ITSN1: variants seen among roughly 807,000 people sequenced by gnomAD.
ITSN1 encodes the protein intersectin-1.
Under a neutral mutation model 239.8 loss-of-function variants are expected in ITSN1, and 58 were observed. The observed-to-expected ratio is 0.24, with a 90% CI of 0.20 to 0.30. The LOEUF (loss-of-function observed/expected upper bound fraction) is 0.30. Ranked by LOEUF, ITSN1 falls within the 10% of genes least tolerant of loss-of-function variation. The pLI, the probability that ITSN1 is intolerant of heterozygous loss-of-function variation, is 1.00. For synonymous variants in ITSN1, 780 were observed against 770.8 expected (o/e 1.01, Z -0.20); for missense variants, 1,558 against 2,103.3 (o/e 0.74, Z 5.07).
At chr21:33,705,153 T>A (rs2092200027) in intron 1 of ITSN1, among the ~76,000 whole-genome samples, 1 of 148,930 alleles carries the variant, frequency 6.7e-6, no homozygotes, top group East Asian at 2.0e-4. Flanking sequence ...AATGAGGAGA[T>A]AAAAATCACT....
intron 16 of ITSN1, among the ~76,000 whole-genome samples, chr21:33,792,229 G>A (rs917055642): frequency 2.6e-5 from 4 of 151,764 alleles, no homozygotes; most frequent in East Asian, 1.9e-4. Flanking sequence ...TTTTGAGACC[G>A]ATTCTTGCCT....
intron 14 of ITSN1, among the ~76,000 whole-genome samples, chr21:33,776,943 T>C (rs2069680598): frequency 6.6e-6 from 1 of 152,146 alleles, no homozygotes; most frequent in Non-Finnish European, 1.5e-5. Context: ...TTTTTTTCTT[T>C]TGGTGTTCAT....
intron 1 of ITSN1, among the ~76,000 whole-genome samples, chr21:33,656,791 A>G (rs992416243): frequency 1.3e-5 from 2 of 152,108 alleles, no homozygotes; most frequent in Admixed American, 6.5e-5. Flanking sequence ...GCTCACTGCA[A>G]CCTCCGCCTA....
At chr21:33,794,261 A>G (rs2071366356) in intron 16 of ITSN1, 80 bp from the exon 17 acceptor site, 3 of 1,088,726 alleles carry the variant, frequency 2.8e-6, no homozygotes, top group Admixed American at 4.0e-5. Context: ...GCTTCCCACT[A>G]TGAAATGTTG....
intron 4 of ITSN1, among the ~76,000 whole-genome samples, chr21:33,731,140 C>G (rs965835912): frequency 6.6e-6 from 1 of 152,194 alleles, no homozygotes; most frequent in Non-Finnish European, 1.5e-5. Context: ...AAAGTCAAGT[C>G]CCTAGAACCT....
rs1410468489 is a variant in ITSN1 at position 33,797,131 on chromosome 21, TAAG to T, written c.1953-244_1953-242del. On this transcript the variant is annotated intron_variant, in intron 17 of 39. Transcript: ENST00000381318. This position sits in a 1 kb window ranked among gnomAD's most constrained non-coding sequence, Gnocchi z 4.9. ...GTCAGTTTAATACCAGCTTTATTAT[TAAG>T]AAGTATTTTTCTTATTCTTGTAACC... is the stretch of plus-strand genomic sequence containing the variant. Among the ~76,000 whole-genome samples, 2 of 152,220 alleles carry T rather than the reference TAAG, an allele frequency of 1.3e-5. No individual in the cohort carries two copies. The highest frequency in any genetic ancestry group is 2.1e-4 in the South Asian group (1 of 4,838).
At chr21:33,741,397 A>G (rs2066838526) in intron 5 of ITSN1, among the ~76,000 whole-genome samples, 1 of 152,200 alleles carries the variant, frequency 6.6e-6, no homozygotes, top group South Asian at 2.1e-4. Context: ...GACAAGGTAA[A>G]CCTGATACAT....
At chr21:33,841,867 A>G (rs1402114291) in intron 29 of ITSN1, among the ~76,000 whole-genome samples, 1 of 151,706 alleles carries the variant, frequency 6.6e-6, no homozygotes, top group Non-Finnish European at 1.5e-5. Context: ...GGATAGGGAG[A>G]CGTAGTGAAG....
At chr21:33,782,204 C>A in intron 16 of ITSN1, 71 bp downstream of exon 16, 2 of 1,426,876 alleles carry the variant, frequency 1.4e-6, no homozygotes, top group Non-Finnish European at 1.9e-6. Flanking sequence ...TGATTAGTTG[C>A]TATTTAATCA....
At chr21:33,804,512 G>A (rs1048178607) in intron 20 of ITSN1, among the ~76,000 whole-genome samples, 1 of 152,204 alleles carries the variant, frequency 6.6e-6, no homozygotes, top group Non-Finnish European at 1.5e-5. Context: ...AAAGAGGAGA[G>A]GAATCAGTGT....
At chr21:33,830,813 T>TA (rs1357272699) in intron 27 of ITSN1, among the ~76,000 whole-genome samples, 1 of 147,822 alleles carries the variant, frequency 6.8e-6, no homozygotes, top group Non-Finnish European at 1.5e-5. Context: ...TTTTAGGAGA[T>TA]ACGTGTTGAA....
chr21:33,655,880 G>A (rs550402885), intron 1 of ITSN1, among the ~76,000 whole-genome samples: 1 of 152,080 alleles, frequency 6.6e-6, no homozygotes, highest in Non-Finnish European at 1.5e-5. Context: ...AAAAAACTCA[G>A]TGATAAGTTT....
chr21:33,788,932 A>G (rs73199881), intron 16 of ITSN1, among the ~76,000 whole-genome samples: 26,334 of 152,148 alleles, frequency 0.17, 2,773 homozygotes, highest in East Asian at 0.4. Context: ...AGCCTGGACA[A>G]CACATGTCTC....
At chr21:33,740,384 G>A (rs2066770791) in intron 5 of ITSN1, among the ~76,000 whole-genome samples, 1 of 152,212 alleles carries the variant, frequency 6.6e-6, no homozygotes, top group Non-Finnish European at 1.5e-5. Flanking sequence ...CAAAAGAGGA[G>A]AAGCCAGAAA....
intron 23 of ITSN1, 21 bp from the exon 24 acceptor site, chr21:33,819,220 T>C: frequency 1.9e-6 from 3 of 1,566,686 alleles, no homozygotes; most frequent in South Asian, 1.1e-5. Flanking sequence ...ATTAAAATAC[T>C]CTCTTCTTCC....
chr21:33,745,684 G>A (rs2067136863), intron 5 of ITSN1, among the ~76,000 whole-genome samples: 1 of 152,178 alleles, frequency 6.6e-6, no homozygotes, highest in African/African-American at 2.4e-5. Flanking sequence ...GGAGTGGGAA[G>A]TCATGCCTGT....
intron 11 of ITSN1, among the ~76,000 whole-genome samples, chr21:33,768,779 A>G (rs1383555049): frequency 6.6e-6 from 1 of 152,244 alleles, no homozygotes; most frequent in Non-Finnish European, 1.5e-5. Flanking sequence ...TGGTCTGGTC[A>G]GAACACTGGC....
chr21:33,823,757 T>C, intron 25 of ITSN1, 104 bp downstream of exon 25: 1 of 1,108,704 alleles, frequency 9.0e-7, no homozygotes, highest in Non-Finnish European at 1.3e-6. Context: ...TGCTAAGTTC[T>C]GGAATGTGAC....
chr21:33,885,246 G>A, intron 37 of ITSN1, 123 bp downstream of exon 37: 1 of 1,002,398 alleles, frequency 1.0e-6, no homozygotes, highest in Non-Finnish European at 1.5e-6. Flanking sequence ...GGAATGAGAT[G>A]GAAGTGAGCT....
Sources: gnomAD v4.1 joint callset for allele counts (sites outside exome capture counted in the v4.1 genomes callset) on GRCh38, gnomAD v4.1.1 for gene constraint, Gnocchi (gnomAD v3.1) non-coding constraint, MANE v1.5 for transcripts, NCBI Gene and HGNC (gene_info 2026-07-23, HGNC 2026-07-21) for gene names.